ABHD2: variants seen among roughly 807,000 people sequenced by gnomAD.
ABHD2 encodes monoacylglycerol lipase ABHD2.
In ABHD2, 20 loss-of-function variants were observed where a neutral mutation model predicts 48.1. That is an observed-to-expected ratio of 0.42 (90% CI 0.29 to 0.60). The LOEUF is 0.60. Ranked by LOEUF, ABHD2 falls within the 20% of genes least tolerant of loss-of-function variation. The probability of loss-of-function intolerance (pLI) is 0.24; values close to 1 mark genes in which losing one functional copy is unlikely to be tolerated. For missense variants in ABHD2, 405 were observed against 550.9 expected, an observed-to-expected ratio of 0.74 and a Z score of 2.65; for synonymous variants, 209 against 214.2, an observed-to-expected ratio of 0.98 and a Z score of 0.21.
Position 89,186,236 on chromosome 15 carries a change from C to T in ABHD2, c.815+720C>T, listed in dbSNP as rs1567110833. Among the ~76,000 whole-genome samples, 1 of 152,174 alleles carries T rather than the reference C, an allele frequency of 6.6e-6. No homozygotes were observed. Among genetic ancestry groups the T allele is most frequent in the Admixed American group, 6.5e-5 (1 of 15,272 alleles). On this transcript the variant is annotated intron_variant, in intron 7 of 10. Coordinates refer to ENST00000352732, the MANE Select transcript of ABHD2 (RefSeq NM_152924.5). The surrounding 1 kb of genome is among the most constrained non-coding windows in gnomAD (Gnocchi z 4.3). The stretch of plus-strand genomic sequence containing the variant: ...GCTCAGGGCATGGTTTCGGCGCCTC[C>T]CTGCTCGGAGTTTGAGCCTCTCCTT...
At position 89,195,350 on chromosome 15, in the gene ABHD2, A is replaced by G. The variant is rs781639905; in HGVS notation, c.1205A>G (p.Asn402Ser). 3 of 1,614,220 alleles carry G rather than the reference A, an allele frequency of 1.9e-6. No homozygotes were observed. The highest frequency in any genetic ancestry group is 1.7e-6 in the Non-Finnish European group (2 of 1,180,036). Residue 402 changes from asparagine to serine, a missense_variant, in exon 11 of 11, where the codon AAC becomes AGC. By Grantham distance (46) the Asn-to-Ser change is conservative. Coordinates refer to ENST00000352732, the MANE Select transcript of ABHD2 (RefSeq NM_152924.5). The surrounding 1 kb of genome is among the most constrained non-coding windows in gnomAD (Gnocchi z 5.1). ...WMDKLVVEYA[N>S]AICQWERNKL... ...GATAAGCTGGTGGTGGAGTACGCCA[A>G]CGCCATTTGCCAATGGGAGCGTAAC...
At chr15:89,076,861 T>C in the ABHD2 span, among the ~76,000 whole-genome samples, 1 of 152,194 alleles carries the variant, frequency 6.6e-6, no homozygotes, top group Admixed American at 6.5e-5. Context: ...TTCTTTTAAA[T>C]TTATAATTTT....
intron 3 of ABHD2, among the ~76,000 whole-genome samples, chr15:89,149,170 T>C (rs940338866): frequency 9.2e-5 from 14 of 152,032 alleles, no homozygotes; most frequent in Admixed American, 9.2e-4. Flanking sequence ...TGATCTTACA[T>C]TGAACTGAGA....
At chr15:89,117,088 T>C (rs293394) in intron 3 of ABHD2, among the ~76,000 whole-genome samples, 59,767 of 152,026 alleles carry the variant, frequency 0.39, 12,123 homozygotes, top group Non-Finnish European at 0.44. Context: ...TACAGTGGCA[T>C]GATCTCGACT....
the ABHD2 span, among the ~76,000 whole-genome samples, chr15:89,057,414 G>A: frequency 1.3e-5 from 2 of 152,174 alleles, no homozygotes; most frequent in East Asian, 3.9e-4. Flanking sequence ...ATGAGGTAGG[G>A]CAGGGGTTAC....
intron 5 of ABHD2, among the ~76,000 whole-genome samples, chr15:89,165,267 T>A (rs748489652): frequency 1.3e-5 from 2 of 152,170 alleles, no homozygotes; most frequent in African/African-American, 2.4e-5. Context: ...CTGTAGTACA[T>A]GCTACATTTT....
In ABHD2 at chr15:89,201,342, G is replaced by T; in HGVS notation, c.*5919G>T. The T allele has an allele frequency of 9.8e-7, 1 of 1,025,414 alleles. No homozygotes were observed. The allele number at this position is 1,025,414 out of a possible 1,614,324, so 63.5% of individuals were successfully genotyped here. ...TGAAGTGAAGCACTGTGTGGTTGTGGCGTGGGCCCGTCTTGCTTAGATGCA... is the reference window on the plus strand; with the variant it reads ...TGAAGTGAAGCACTGTGTGGTTGTGTCGTGGGCCCGTCTTGCTTAGATGCA... On this transcript the variant is annotated 3_prime_UTR_variant, in exon 11 of 11. Coordinates refer to ENST00000352732, the MANE Select transcript of ABHD2 (RefSeq NM_152924.5).
chr15:89,100,059 G>A lies in ABHD2; in HGVS notation c.-107+11496G>A, dbSNP rs1021224774. Among the ~76,000 whole-genome samples, 3 of 152,130 alleles carry A rather than the reference G, an allele frequency of 2.0e-5. No individual in the cohort carries two copies. The highest frequency in any genetic ancestry group is 2.9e-5 in the Non-Finnish European group (2 of 68,036). On this transcript the variant is annotated intron_variant, in intron 1 of 10. Coordinates refer to ENST00000352732, the MANE Select transcript of ABHD2 (RefSeq NM_152924.5). This position sits in a 1 kb window ranked among gnomAD's most constrained non-coding sequence, Gnocchi z 4.4. ...CTGGGCAGCCGGTAGAGGAGCTTAT[G>A]GTCTGGAATGGGAGAAGGAACGTGT...
chr15:89,201,341 G>A lies in ABHD2; in HGVS notation c.*5918G>A. On this transcript the variant is annotated 3_prime_UTR_variant, in exon 11 of 11. Coordinates refer to ENST00000352732, the MANE Select transcript of ABHD2 (RefSeq NM_152924.5). ...ATGAAGTGAAGCACTGTGTGGTTGT[G>A]GCGTGGGCCCGTCTTGCTTAGATGC... 9.7e-7 allele frequency: 1 copy of A among 1,031,596 alleles called. No individual in the cohort carries two copies. Among genetic ancestry groups the A allele is most frequent in the African/African-American group, 1.6e-5 (1 of 62,598 alleles). 63.9% of individuals were successfully genotyped at this position (1,031,596 alleles called of 1,614,324 possible).
rs1173428020 is a variant in ABHD2, at chr15:89,166,924, A to G, written c.539-8888A>G. The stretch of plus-strand genomic sequence containing the variant: ...AGGGAGGGAGACCCCATCTCCCTCC[A>G]TCTAATTACACATTCCAATTGAGAC... On this transcript the variant is annotated intron_variant, in intron 5 of 10. Transcript: ENST00000352732. This position sits in a 1 kb window ranked among gnomAD's most constrained non-coding sequence, Gnocchi z 4.6. 6.6e-6 allele frequency among the ~76,000 whole-genome samples: 1 copy of G among 152,238 alleles called. No homozygotes were observed. The highest frequency in any genetic ancestry group is 2.4e-5 in the African/African-American group (1 of 41,462).
the ABHD2 span, among the ~76,000 whole-genome samples, chr15:89,043,317 T>G: frequency 3.5e-4 from 53 of 152,296 alleles, no homozygotes; most frequent in East Asian, 9.8e-3. Flanking sequence ...TCCCAGCTAC[T>G]GAGGAGGCTG....
chr15:89,137,881 G>T lies in ABHD2; in HGVS notation c.195-13796G>T, dbSNP rs1027998449. Among the ~76,000 whole-genome samples, 4 of 152,228 alleles carry T rather than the reference G, an allele frequency of 2.6e-5. No homozygotes were observed. The highest frequency in any genetic ancestry group is 5.9e-5 in the Non-Finnish European group (4 of 68,046). ...TCCCAGCCTCAGCCTTACCTCCCCA[G>T]TAGGACTGGTGAGATGTGCACACAG... On this transcript the variant is annotated intron_variant, in intron 3 of 10. Coordinates refer to ENST00000352732, the MANE Select transcript of ABHD2 (RefSeq NM_152924.5). The surrounding 1 kb of genome is among the most constrained non-coding windows in gnomAD (Gnocchi z 4.8).
upstream of ABHD2, among the ~76,000 whole-genome samples, chr15:89,086,322 C>CA (rs1489587630): frequency 6.6e-6 from 1 of 152,268 alleles, no homozygotes; most frequent in East Asian, 1.9e-4. Flanking sequence ...CCACTGTGCC[C>CA]AGCCTATTTT....
rs752194551 is a variant in ABHD2 at position 89,182,875 on chromosome 15, G to A, written c.723-2549G>A. On this transcript the variant is annotated intron_variant, in intron 6 of 10. Transcript: ENST00000352732. This position sits in a 1 kb window ranked among gnomAD's most constrained non-coding sequence, Gnocchi z 4.8. ...TAGAGAGCTAAACTCCCCTGGTTTC[G>A]TGCCCATTTTGTGATTTGCATCTAA... Among the ~76,000 whole-genome samples the A allele has an allele frequency of 1.1e-4, 17 of 152,072 alleles. No homozygotes were observed. Among genetic ancestry groups the A allele is most frequent in the Admixed American group, 3.3e-4 (5 of 15,260 alleles).
At chr15:89,143,436 G>C (rs2050438374) in intron 3 of ABHD2, among the ~76,000 whole-genome samples, 1 of 152,224 alleles carries the variant, frequency 6.6e-6, no homozygotes, top group Non-Finnish European at 1.5e-5. Context: ...GGGAGGCCGA[G>C]GCGGGTGGAT....
chr15:89,081,970 C>T, the ABHD2 span, among the ~76,000 whole-genome samples: 1 of 152,210 alleles, frequency 6.6e-6, no homozygotes, highest in Non-Finnish European at 1.5e-5. Flanking sequence ...CTTCGGCCCA[C>T]AAGGTTTCTC....
chr15:89,103,395 C>T lies in ABHD2; in HGVS notation c.-106-10330C>T, dbSNP rs550763591. 1.2e-4 allele frequency among the ~76,000 whole-genome samples: 19 copies of T among 152,244 alleles called. 1 individual carries two copies. The highest frequency in any genetic ancestry group is 4.1e-4 in the African/African-American group (17 of 41,524). Reference sequence around the variant, plus strand: ...CATCAACTTCTTTCCTTCAGTTACACGTAAAGTAACCTCCCTTCCCCCATT... The same window carrying T: ...CATCAACTTCTTTCCTTCAGTTACATGTAAAGTAACCTCCCTTCCCCCATT... On this transcript the variant is annotated intron_variant, in intron 1 of 10. Transcript: ENST00000352732.
In ABHD2 at chr15:89,182,507, C is replaced by T. The variant is rs2051130039; in HGVS notation, c.723-2917C>T. ...AAGTCAAGAACTTGGATATTCAGGC[C>T]AGGTGAAGTGCCTCACGCCTGTAAT... is the stretch of plus-strand genomic sequence containing the variant. On this transcript the variant is annotated intron_variant, in intron 6 of 10. Coordinates refer to ENST00000352732, the MANE Select transcript of ABHD2 (RefSeq NM_152924.5). This position sits in a 1 kb window ranked among gnomAD's most constrained non-coding sequence, Gnocchi z 4.8. 6.6e-6 allele frequency among the ~76,000 whole-genome samples: 1 copy of T among 152,124 alleles called. No individual in the cohort carries two copies. The highest frequency in any genetic ancestry group is 1.9e-4 in the East Asian group (1 of 5,186).
chr15:89,187,796 T>G (rs1418579375), intron 7 of ABHD2, among the ~76,000 whole-genome samples: 1 of 152,224 alleles, frequency 6.6e-6, no homozygotes. Flanking sequence ...GAGTCTTCCT[T>G]GTTAAGCAAC....
Sources: allele counts gnomAD v4.1 joint callset (sites outside exome capture counted in the v4.1 genomes callset), GRCh38; gene constraint gnomAD v4.1.1; non-coding constraint Gnocchi (gnomAD v3.1); transcripts MANE v1.5; gene names NCBI Gene and HGNC (gene_info 2026-07-23, HGNC 2026-07-21).